Variants in LEKR1 observed in about 807,000 individuals in gnomAD.
LEKR1 encodes protein LEKR1.
In LEKR1, 59 loss-of-function variants were observed where a neutral mutation model predicts 72.4. The observed-to-expected ratio is 0.82, with a 90% confidence interval of 0.66 to 1.01. The LOEUF is 1.01. Among genes scored for constraint, LEKR1 ranks in the 50% least tolerant of loss-of-function variants. The pLI is 0.00. For synonymous variants in LEKR1, 257 were observed against 263.2 expected (o/e 0.98, Z 0.23); for missense variants, 728 against 759.2 (o/e 0.96, Z 0.48).
intron 5 of LEKR1, among the ~76,000 whole-genome samples, chr3:156,936,748 A>G (rs779613934): frequency 3.9e-5 from 6 of 152,164 alleles, no homozygotes; most frequent in Non-Finnish European, 5.9e-5. Context: ...CTTTTCAACA[A>G]ATGATGCTGG....
chr3:157,037,667 T>A (rs1227057302), intron 12 of LEKR1, among the ~76,000 whole-genome samples: 1 of 152,208 alleles, frequency 6.6e-6, no homozygotes, highest in Non-Finnish European at 1.5e-5. Flanking sequence ...TACACCTGTG[T>A]GCCTACTGCA....
In LEKR1 at chr3:157,045,510, A is replaced by C; in HGVS notation, c.1839A>C (p.Ala613=). ...SKGSLTSPAA[A]VSNHGERSLA... Reference sequence around the variant, plus strand: ...GCAGCCTAACCTCCCCTGCTGCAGCAGTCAGTAATCATGGAGAGAGAAGCC... The same window carrying C: ...GCAGCCTAACCTCCCCTGCTGCAGCCGTCAGTAATCATGGAGAGAGAAGCC... The change falls in exon 13 of 13, where the codon GCA becomes GCC. Residue 613 remains alanine (A), a synonymous_variant. Transcript: ENST00000356539. The C allele has an allele frequency of 6.2e-7, 1 of 1,614,188 alleles. No homozygotes were observed. Among genetic ancestry groups the C allele is most frequent in the African/African-American group, 1.3e-5 (1 of 75,050 alleles).
intron 2 of LEKR1, among the ~76,000 whole-genome samples, chr3:156,837,367 T>C (rs552860577): frequency 2.0e-5 from 3 of 152,284 alleles, no homozygotes; most frequent in Non-Finnish European, 4.4e-5. Context: ...GGTCCTCTCA[T>C]ACTGACATGA....
chr3:156,947,378 A>G (rs1037539497), intron 6 of LEKR1, among the ~76,000 whole-genome samples: 1 of 151,264 alleles, frequency 6.6e-6, no homozygotes, highest in Non-Finnish European at 1.5e-5. Context: ...CTCACTACAT[A>G]GAACTACTAT....
intron 3 of LEKR1, among the ~76,000 whole-genome samples, chr3:156,859,819 A>G (rs1041322154): frequency 1.3e-5 from 2 of 152,124 alleles, no homozygotes; most frequent in African/African-American, 2.4e-5. Flanking sequence ...ACTGATCTAT[A>G]CTGTTGGTGT....
At chr3:157,017,248 T>G (rs1190755818) in intron 10 of LEKR1, 1 of 152,214 alleles carries the variant, frequency 6.6e-6, no homozygotes, top group Non-Finnish European at 1.5e-5. Context: ...TTGGCTAAAC[T>G]CTGGTCTAAA....
intron 3 of LEKR1, among the ~76,000 whole-genome samples, chr3:156,879,776 A>G (rs985334397): frequency 1.6e-4 from 25 of 152,198 alleles, no homozygotes; most frequent in African/African-American, 5.8e-4. Context: ...CACACTAGCC[A>G]TGGCTAAAAG....
At chr3:156,867,023 A>C (rs1478016360) in intron 3 of LEKR1, among the ~76,000 whole-genome samples, 1 of 152,078 alleles carries the variant, frequency 6.6e-6, no homozygotes, top group African/African-American at 2.4e-5. Context: ...CCTAAGAGAG[A>C]AGCCTCTGGA....
At chr3:156,856,258 A>G (rs889670316) in intron 3 of LEKR1, among the ~76,000 whole-genome samples, 2 of 152,068 alleles carry the variant, frequency 1.3e-5, no homozygotes, top group Non-Finnish European at 2.9e-5. Context: ...AATGCCACCT[A>G]TTAATTTTTC....
intron 3 of LEKR1, among the ~76,000 whole-genome samples, chr3:156,862,710 T>G (rs1207727354): frequency 6.6e-6 from 1 of 152,094 alleles, no homozygotes; most frequent in Non-Finnish European, 1.5e-5. Flanking sequence ...CAAAGGAAGT[T>G]CTTGAGTCTA....
At chr3:157,006,418 T>C (rs1576985219) in intron 9 of LEKR1, among the ~76,000 whole-genome samples, 1 of 152,248 alleles carries the variant, frequency 6.6e-6, no homozygotes, top group African/African-American at 2.4e-5. Flanking sequence ...TGTCAAATAG[T>C]ACAACTTATT....
chr3:156,917,795 G>A (rs535235138), intron 3 of LEKR1, among the ~76,000 whole-genome samples: 14 of 152,216 alleles, frequency 9.2e-5, no homozygotes, highest in African/African-American at 3.4e-4. Context: ...CAGGGTATAG[G>A]AGAATTGACA....
chr3:156,982,858 GATAGA>G (rs1560125712), intron 7 of LEKR1, among the ~76,000 whole-genome samples: 1,216 of 62,920 alleles, frequency 0.019, 4 homozygotes, highest in Non-Finnish European at 0.025. Flanking sequence ...TGTGTGTGTA[GATAGA>G]TAGATAGATA....
intron 3 of LEKR1, among the ~76,000 whole-genome samples, chr3:156,887,728 T>G (rs1720252681): frequency 6.6e-6 from 1 of 152,108 alleles, no homozygotes; most frequent in Admixed American, 6.5e-5. Flanking sequence ...TCAAAAAATT[T>G]AAAACTGAGC....
chr3:156,904,366 T>C (rs1722322377), intron 3 of LEKR1, among the ~76,000 whole-genome samples: 1 of 151,750 alleles, frequency 6.6e-6, no homozygotes, highest in Admixed American at 6.6e-5. Flanking sequence ...CACTAAACCC[T>C]TTTGCCTCCT....
At chr3:157,027,268 A>G (rs1218657707) in intron 11 of LEKR1, among the ~76,000 whole-genome samples, 1 of 152,006 alleles carries the variant, frequency 6.6e-6, no homozygotes, top group African/African-American at 2.4e-5. Flanking sequence ...ACCATATTGG[A>G]TAGCATAGAA....
At chr3:157,038,208 G>A (rs1447892235) in intron 12 of LEKR1, among the ~76,000 whole-genome samples, 1 of 152,194 alleles carries the variant, frequency 6.6e-6, no homozygotes, top group African/African-American at 2.4e-5. Flanking sequence ...TATTTTAGGG[G>A]TGAAGGCAAT....
At chr3:156,901,835 G>A (rs912592558) in intron 3 of LEKR1, among the ~76,000 whole-genome samples, 2 of 151,908 alleles carry the variant, frequency 1.3e-5, no homozygotes, top group South Asian at 2.1e-4. Flanking sequence ...TACAGGCGCC[G>A]GCCCCAAACC....
At chr3:156,827,786 G>A (rs1711828210) in intron 1 of LEKR1, among the ~76,000 whole-genome samples, 3 of 152,192 alleles carry the variant, frequency 2.0e-5, no homozygotes, top group Non-Finnish European at 4.4e-5. Flanking sequence ...CACAGACAAT[G>A]AAGGCACTAC....
Sources: allele counts gnomAD v4.1 joint callset (sites outside exome capture counted in the v4.1 genomes callset), GRCh38; gene constraint gnomAD v4.1.1; transcripts MANE v1.5; gene names NCBI Gene and HGNC (gene_info 2026-07-23, HGNC 2026-07-21).